Variants in NFIA observed in about 807,000 individuals in gnomAD.
NFIA encodes nuclear factor 1 A-type.
NFIA carries 8 observed loss-of-function variants against 62.8 expected under a neutral mutation model. The ratio of observed to expected loss-of-function variants is 0.13; its 90% CI spans 0.07 to 0.23. The LOEUF (loss-of-function observed/expected upper bound fraction) is 0.23, where lower values mean the gene tolerates loss of function less well. Ranked by LOEUF, NFIA falls within the 10% of genes least tolerant of loss-of-function variation. NFIA has a pLI of 1.00. For missense variants in NFIA, 410 were observed against 642.1 expected, an observed-to-expected ratio of 0.64 and a Z score of 3.91; for synonymous variants, 235 against 238.1, an observed-to-expected ratio of 0.99 and a Z score of 0.12.
At chr1:61,422,317 ATCT>A (rs1666659168) in intron 9 of NFIA, among the ~76,000 whole-genome samples, 1 of 152,144 alleles carries the variant, frequency 6.6e-6, no homozygotes, top group Non-Finnish European at 1.5e-5. Flanking sequence ...ATATCTTAAT[ATCT>A]TCTTCTTCAG....
chr1:61,323,248 A>G (rs1382255920), intron 3 of NFIA, among the ~76,000 whole-genome samples: 1 of 152,230 alleles, frequency 6.6e-6, no homozygotes, highest in Non-Finnish European at 1.5e-5. Context: ...CAATCCATGT[A>G]TTCATCTGAG....
At chr1:61,087,327 T>G (rs1370215543) in intron 1 of NFIA, among the ~76,000 whole-genome samples, 1 of 152,166 alleles carries the variant, frequency 6.6e-6, no homozygotes, top group East Asian at 1.9e-4. Context: ...CTGAAAGCAC[T>G]TCACAATCAT....
chr1:61,088,479 C>T lies in NFIA; in HGVS notation c.358C>T (p.Leu120Phe). Residue 120 changes from leucine to phenylalanine, a missense_variant, in exon 2 of 11, where the codon CTC becomes TTC. This residue lies in a region of NFIA where 26 missense variants were observed against 79.4 expected (regional missense o/e 0.33). Coordinates refer to ENST00000403491, the MANE Select transcript of NFIA (RefSeq NM_001134673.4). The surrounding 1 kb of genome is among the most constrained non-coding windows in gnomAD (Gnocchi z 4.5). ...QKGKMRRIDC[L>F]RQADKVWRLD... ...AGGCAAGATGCGAAGAATTGACTGC[C>T]TCCGCCAGGCAGATAAAGTCTGGAG... 1 of 1,614,068 alleles carries T rather than the reference C, an allele frequency of 6.2e-7. No homozygotes were observed. The highest frequency in any genetic ancestry group is 8.5e-7 in the Non-Finnish European group (1 of 1,180,018).
intron 10 of NFIA, among the ~76,000 whole-genome samples, chr1:61,427,585 C>G (rs972563570): frequency 3.9e-5 from 6 of 152,122 alleles, no homozygotes; most frequent in Admixed American, 2.0e-4. Context: ...ATAGATTTGC[C>G]TTCCTGGGTC....
intron 10 of NFIA, among the ~76,000 whole-genome samples, chr1:61,431,400 A>G (rs1161440202): frequency 6.6e-6 from 1 of 152,222 alleles, no homozygotes; most frequent in African/African-American, 2.4e-5. Flanking sequence ...TTTAAAATGA[A>G]AAATGGGTGC....
chr1:61,265,047 T>C (rs890977033), intron 2 of NFIA, among the ~76,000 whole-genome samples: 3 of 152,168 alleles, frequency 2.0e-5, no homozygotes, highest in African/African-American at 7.2e-5. Flanking sequence ...GTTTTTTCCT[T>C]GTTATATAGG....
chr1:61,372,576 TA>T (rs71244589), intron 6 of NFIA, among the ~76,000 whole-genome samples: 24,458 of 139,640 alleles, frequency 0.18, 2,167 homozygotes, highest in Middle Eastern at 0.22. Context: ...TCATTGTTGT[TA>T]AAAAAAAAAA....
rs145955440 is a variant in NFIA, at chr1:61,359,181, A to T, written c.853A>T (p.Met285Leu). 1 of 1,613,270 alleles carries T rather than the reference A, an allele frequency of 6.2e-7. No homozygotes were observed. Among genetic ancestry groups the T allele is most frequent in the African/African-American group, 1.3e-5 (1 of 74,908 alleles). Residue 285 changes from methionine to leucine, a missense_variant, in exon 6 of 11, where the codon ATG (methionine) becomes TTG (leucine). By Grantham distance (15) the Met-to-Leu change is conservative. This residue lies in a region of NFIA where 298 missense variants were observed against 438.1 expected (regional missense o/e 0.68). Coordinates refer to ENST00000403491, the MANE Select transcript of NFIA (RefSeq NM_001134673.4). ...GCGCCTCAAGTCTGTGGAGGATGAA[A>T]TGGACAGTCCTGGTGAGGAGCCATT... ...TKRLKSVEDEMDSPGEEPFYT... is the reference protein window; with the variant it reads ...TKRLKSVEDELDSPGEEPFYT...
At chr1:61,212,602 CG>C (rs1250781525) in intron 2 of NFIA, among the ~76,000 whole-genome samples, 4 of 152,134 alleles carry the variant, frequency 2.6e-5, no homozygotes, top group African/African-American at 9.7e-5. Flanking sequence ...TGTAAAACAT[CG>C]TTTTTACTAA....
chr1:61,349,867 A>G (rs970993801), intron 4 of NFIA, among the ~76,000 whole-genome samples: 1 of 152,138 alleles, frequency 6.6e-6, no homozygotes, highest in African/African-American at 2.4e-5. Flanking sequence ...TGCTGTGATT[A>G]TAGGCGTGAG....
intron 4 of NFIA, among the ~76,000 whole-genome samples, chr1:61,334,610 T>TCA (rs1342550376): frequency 9.5e-5 from 11 of 115,614 alleles, no homozygotes; most frequent in African/African-American, 3.6e-4. Context: ...TATATATATA[T>TCA]ATGTATCAGA....
At chr1:61,177,177 C>G (rs1275428288) in intron 2 of NFIA, among the ~76,000 whole-genome samples, 1 of 151,994 alleles carries the variant, frequency 6.6e-6, no homozygotes, top group African/African-American at 2.4e-5. Context: ...TTGGTAAAAC[C>G]TTTCAAATGC....
intron 2 of NFIA, among the ~76,000 whole-genome samples, chr1:61,185,748 A>C (rs963951627): frequency 6.8e-6 from 1 of 147,926 alleles, no homozygotes; most frequent in African/African-American, 2.5e-5. Context: ...CTTAGAATGC[A>C]TTTTTCCCAG....
intron 2 of NFIA, among the ~76,000 whole-genome samples, chr1:61,256,434 T>TAA (rs5774549): frequency 2.9e-4 from 30 of 102,004 alleles, no homozygotes; most frequent in East Asian, 2.6e-3. Flanking sequence ...AGACTCCATC[T>TAA]AAAAAAAAAA....
At chr1:61,247,877 A>G (rs1018274566) in intron 2 of NFIA, among the ~76,000 whole-genome samples, 2 of 152,198 alleles carry the variant, frequency 1.3e-5, no homozygotes, top group Non-Finnish European at 2.9e-5. Context: ...TAAATGAGAG[A>G]ATAAGTATTC....
chr1:61,111,747 A>G (rs1388180387), intron 2 of NFIA, among the ~76,000 whole-genome samples: 1 of 152,120 alleles, frequency 6.6e-6, no homozygotes, highest in South Asian at 2.1e-4. Context: ...CTGAATCTCT[A>G]TTCAGCAGTT....
rs114559656 is a variant in NFIA at position 61,239,575 on chromosome 1, G to T, written c.560-37945G>T. On this transcript the variant is annotated intron_variant, in intron 2 of 10. Transcript: ENST00000403491. ...TGGGGTAACTTCTAGCATGTTCTAT[G>T]AATATAAGGTGATAAAATTGTGTTT... Among the ~76,000 whole-genome samples, 626 of 152,166 alleles carry T rather than the reference G, an allele frequency of 4.1e-3. 9 individuals carry two copies. Among genetic ancestry groups the T allele is most frequent in the Admixed American group, 0.019 (291 of 15,280 alleles).
chr1:61,276,584 A>C (rs1657819601), intron 2 of NFIA, among the ~76,000 whole-genome samples: 1 of 152,060 alleles, frequency 6.6e-6, no homozygotes, highest in Non-Finnish European at 1.5e-5. Flanking sequence ...GTCTCAGAAA[A>C]CGCTTTATTT....
At chr1:61,318,104 T>C (rs897761487) in intron 3 of NFIA, among the ~76,000 whole-genome samples, 4 of 152,174 alleles carry the variant, frequency 2.6e-5, no homozygotes, top group African/African-American at 9.7e-5. Context: ...CATTGCAAAT[T>C]CACCCCGATT....
Sources: allele counts gnomAD v4.1 joint callset (sites outside exome capture counted in the v4.1 genomes callset), GRCh38; gene constraint gnomAD v4.1.1; regional missense constraint gnomAD v4.1.1; non-coding constraint Gnocchi (gnomAD v3.1); transcripts MANE v1.5; gene names NCBI Gene and HGNC (gene_info 2026-07-23, HGNC 2026-07-21).